ABHD2: variants seen among roughly 807,000 people sequenced by gnomAD.
ABHD2 encodes the protein monoacylglycerol lipase ABHD2.
Under a neutral mutation model 48.1 loss-of-function variants are expected in ABHD2, and 20 were observed. That is an observed-to-expected ratio of 0.42 (90% CI 0.29 to 0.60). The LOEUF (loss-of-function observed/expected upper bound fraction) is 0.60. ABHD2 is among the 20% of genes least tolerant of loss of function. The probability of loss-of-function intolerance (pLI) is 0.24; values close to 1 mark genes in which losing one functional copy is unlikely to be tolerated. For missense variants in ABHD2, 405 were observed against 550.9 expected (o/e 0.74, Z 2.65); for synonymous variants, 209 against 214.2 (o/e 0.98, Z 0.21).
chr15:89,105,035 G>C (rs2049761379), intron 1 of ABHD2, among the ~76,000 whole-genome samples: 1 of 152,206 alleles, frequency 6.6e-6, no homozygotes, highest in Non-Finnish European at 1.5e-5. Flanking sequence ...AACCTCCCTA[G>C]AGGAAACACC....
intron 4 of ABHD2, among the ~76,000 whole-genome samples, chr15:89,152,690 A>G (rs772276324): frequency 6.6e-6 from 1 of 152,222 alleles, no homozygotes; most frequent in South Asian, 2.1e-4. Flanking sequence ...TCCCTGGACA[A>G]ATAGACACAT....
At position 89,197,683 on chromosome 15, in the gene ABHD2, A is replaced by C. The variant is rs181150027; in HGVS notation, c.*2260A>C. 6.6e-6 allele frequency: 1 copy of C among 152,246 alleles called. No homozygotes were observed. The highest frequency in any genetic ancestry group is 2.1e-4 in the South Asian group (1 of 4,828). The allele number at this position is 152,246 out of a possible 1,614,324, so 9.4% of individuals were successfully genotyped here. A position where few individuals can be genotyped will look rare whatever the true frequency, so the allele number is the denominator to read the frequency against. On this transcript the variant is annotated 3_prime_UTR_variant, in exon 11 of 11. Coordinates refer to ENST00000352732, the MANE Select transcript of ABHD2 (RefSeq NM_152924.5). This position sits in a 1 kb window ranked among gnomAD's most constrained non-coding sequence, Gnocchi z 4.4. ...AGAAAAGACAGCCCTGTTGTCACAC[A>C]AACCGGTGTGGGGGAGGGTGGAGCC...
At chr15:89,062,183 C>T in the ABHD2 span, among the ~76,000 whole-genome samples, 1 of 152,128 alleles carries the variant, frequency 6.6e-6, no homozygotes, top group African/African-American at 2.4e-5. Context: ...GGAAAGCTGG[C>T]TAGGGTCCTG....
chr15:89,100,732 G>A lies in ABHD2; in HGVS notation c.-107+12169G>A, dbSNP rs1446522472. 2.0e-5 allele frequency among the ~76,000 whole-genome samples: 3 copies of A among 152,168 alleles called. No homozygotes were observed. The highest frequency in any genetic ancestry group is 1.3e-4 in the Admixed American group (2 of 15,294). ...AAAATACAAAAAATTAGCCAGGTGT[G>A]GTGGCGGGCACCTGTAATACCAGCT... On this transcript the variant is annotated intron_variant, in intron 1 of 10. Transcript: ENST00000352732. The surrounding 1 kb of genome is among the most constrained non-coding windows in gnomAD (Gnocchi z 4.4).
chr15:89,046,451 G>A, the ABHD2 span, among the ~76,000 whole-genome samples: 3 of 151,724 alleles, frequency 2.0e-5, no homozygotes, highest in African/African-American at 7.3e-5. Flanking sequence ...TCTATTGATT[G>A]GAATAGTTTC....
the ABHD2 span, among the ~76,000 whole-genome samples, chr15:89,067,583 C>T: frequency 6.6e-6 from 1 of 152,166 alleles, no homozygotes; most frequent in Non-Finnish European, 1.5e-5. Context: ...TTCCAAAGGC[C>T]ATGAGGGGTT....
chr15:89,050,211 C>G, the ABHD2 span, among the ~76,000 whole-genome samples: 1 of 152,132 alleles, frequency 6.6e-6, no homozygotes, highest in Non-Finnish European at 1.5e-5. Flanking sequence ...TAGTAGACCC[C>G]AGAAGCCACA....
At chr15:89,093,760 G>C (rs2049565260) in intron 1 of ABHD2, 1 of 152,210 alleles carries the variant, frequency 6.6e-6, no homozygotes, top group African/African-American at 2.4e-5. Flanking sequence ...GTCTGAGCCT[G>C]ACCTGGCCTC....
chr15:89,068,141 G>T, the ABHD2 span, among the ~76,000 whole-genome samples: 2 of 151,736 alleles, frequency 1.3e-5, no homozygotes, highest in South Asian at 2.1e-4. Context: ...ACCATCTAAT[G>T]TTATTTTTAT....
chr15:89,081,166 ATTTTTTTTTTT>A, the ABHD2 span, among the ~76,000 whole-genome samples: 1 of 115,302 alleles, frequency 8.7e-6, no homozygotes, highest in South Asian at 2.7e-4. Context: ...TGCCCAGCTA[ATTTTTTTTTTT>A]TTTTTTTTTT....
At position 89,177,157 on chromosome 15, in the gene ABHD2, G is replaced by A. The variant is rs1036838382; in HGVS notation, c.722+1162G>A. Among the ~76,000 whole-genome samples the A allele has an allele frequency of 1.3e-5, 2 of 152,106 alleles. No homozygotes were observed. Among genetic ancestry groups the A allele is most frequent in the East Asian group, 3.9e-4 (2 of 5,184 alleles). On this transcript the variant is annotated intron_variant, in intron 6 of 10. Transcript: ENST00000352732. The surrounding 1 kb of genome is among the most constrained non-coding windows in gnomAD (Gnocchi z 5.6). The stretch of plus-strand genomic sequence containing the variant: ...CCTGAGTCCCAGGACCAAGGTCTGG[G>A]TTCTATTTTTCCGTGCCGGCAATAT...
chr15:89,176,067 C>G lies in ABHD2; in HGVS notation c.722+72C>G. The G allele has an allele frequency of 6.9e-7, 1 of 1,450,314 alleles. No homozygotes were observed. The highest frequency in any genetic ancestry group is 9.3e-7 in the Non-Finnish European group (1 of 1,072,026). 89.8% of individuals were successfully genotyped at this position (1,450,314 alleles called of 1,614,324 possible). ...TATAGAGATGCCCCGACGCACAACA[C>G]ACTGTTCTGTGAAGACCGGGGAACA... On this transcript the variant is annotated intron_variant, in intron 6 of 10. Transcript: ENST00000352732. The surrounding 1 kb of genome is among the most constrained non-coding windows in gnomAD (Gnocchi z 4.5).
Position 89,127,729 on chromosome 15 carries a change from ATATATATATATG to A in ABHD2, c.194+11214_194+11225del, listed in dbSNP as rs1567080147. ...TACATATATATATATACACATATAT[ATATATATATATG>A]TATATTTTAAAAATTAGTCAATTAG... On this transcript the variant is annotated intron_variant, in intron 3 of 10. Transcript: ENST00000352732. 4.1e-5 allele frequency among the ~76,000 whole-genome samples: 6 copies of A among 144,696 alleles called. 1 individual carries two copies. Among genetic ancestry groups the A allele is most frequent in the Admixed American group, 2.0e-4 (3 of 14,644 alleles). 94.9% of individuals were successfully genotyped at this position (144,696 alleles called of 152,430 possible). A position where few individuals can be genotyped will look rare whatever the true frequency, so the allele number is the denominator to read the frequency against.
At chr15:89,064,695 G>C in the ABHD2 span, among the ~76,000 whole-genome samples, 1 of 152,028 alleles carries the variant, frequency 6.6e-6, no homozygotes, top group Non-Finnish European at 1.5e-5. Context: ...TATTTTATAA[G>C]TTATTTAACT....
chr15:89,191,102 CT>C lies in ABHD2; in HGVS notation c.950del (p.Leu317ArgfsTer37). ...VMRKFHGYNS[L>X]KEYYEEESCM... ...CAGGAAGTTTCACGGCTATAACTCC[CT>C]GAAGGAATACTATGAGGAAGAAAGT... On this transcript the variant is annotated frameshift_variant, in exon 9 of 11. Transcript: ENST00000352732. LOFTEE classifies it high-confidence loss of function. 9 of 1,613,966 alleles carry C rather than the reference CT, an allele frequency of 5.6e-6. No individual in the cohort carries two copies. Among genetic ancestry groups the C allele is most frequent in the Non-Finnish European group, 7.6e-6 (9 of 1,180,002 alleles).
At chr15:89,169,562 A>T (rs1360975403) in intron 5 of ABHD2, among the ~76,000 whole-genome samples, 3 of 152,218 alleles carry the variant, frequency 2.0e-5, no homozygotes, top group Non-Finnish European at 4.4e-5. Context: ...TAGCTAAGAG[A>T]TGACAAAATT....
the ABHD2 span, among the ~76,000 whole-genome samples, chr15:89,047,963 T>C: frequency 6.7e-6 from 1 of 149,516 alleles, no homozygotes; most frequent in Non-Finnish European, 1.5e-5. Context: ...GTTATTTTGC[T>C]CGATAGTTCA....
chr15:89,170,712 C>T (rs561932939), intron 5 of ABHD2, among the ~76,000 whole-genome samples: 24 of 152,186 alleles, frequency 1.6e-4, no homozygotes, highest in Admixed American at 5.9e-4. Flanking sequence ...TGGGTATTGG[C>T]AAACTTCATC....
intron 9 of ABHD2, among the ~76,000 whole-genome samples, chr15:89,192,667 C>G (rs1237921168): frequency 3.3e-5 from 5 of 152,100 alleles, no homozygotes; most frequent in Non-Finnish European, 7.4e-5. Context: ...AAGCCATAAG[C>G]CTGACCTAGA....
Sources: gnomAD v4.1 joint callset for allele counts (sites outside exome capture counted in the v4.1 genomes callset) on GRCh38, gnomAD v4.1.1 for gene constraint, Gnocchi (gnomAD v3.1) non-coding constraint, MANE v1.5 for transcripts, NCBI Gene and HGNC (gene_info 2026-07-23, HGNC 2026-07-21) for gene names.